Variants in PLCL2 observed in about 807,000 individuals in gnomAD.
The protein encoded by PLCL2 is phospholipase C like 2, also known as inactive phospholipase C-like protein 2.
In PLCL2, 4 loss-of-function variants were observed where a neutral mutation model predicts 79.6. The observed-to-expected ratio is 0.05, with a 90% CI of 0.02 to 0.11. The LOEUF is 0.11. Among genes scored for constraint, PLCL2 ranks in the 10% least tolerant of loss-of-function variants. The probability of loss-of-function intolerance (pLI) is 1.00; values close to 1 mark genes in which losing one functional copy is unlikely to be tolerated. For missense variants in PLCL2, 895 were observed against 1,291.0 expected (o/e 0.69, Z 4.70); for synonymous variants, 484 against 457.7 (o/e 1.06, Z -0.73).
In PLCL2 at chr3:16,954,270, T is replaced by C. The variant is rs938464400; in HGVS notation, c.328-55404T>C. ...CAATTCCCACCAATGAGTGAGCACATGCGGTGTTTGGTTTTTTGTCCTTGC... is the reference window on the plus strand; with the variant it reads ...CAATTCCCACCAATGAGTGAGCACACGCGGTGTTTGGTTTTTTGTCCTTGC... On this transcript the variant is annotated intron_variant, in intron 1 of 5. Transcript: ENST00000615277. 3.3e-5 allele frequency among the ~76,000 whole-genome samples: 5 copies of C among 152,300 alleles called. No individual in the cohort carries two copies. In the East Asian group the frequency reaches 7.7e-4, roughly 24 times the overall value.
chr3:16,990,892 G>A (rs2064098302), intron 1 of PLCL2, among the ~76,000 whole-genome samples: 1 of 152,192 alleles, frequency 6.6e-6, no homozygotes, highest in South Asian at 2.1e-4. Context: ...GGCCAAATGA[G>A]ATTGAGATTG....
intron 1 of PLCL2, among the ~76,000 whole-genome samples, chr3:16,910,875 A>G (rs1401583724): frequency 2.0e-5 from 3 of 152,082 alleles, no homozygotes; most frequent in African/African-American, 4.8e-5. Flanking sequence ...CTCATGTACT[A>G]CATCAAGTCT....
At chr3:16,977,471 C>G (rs35462157) in intron 1 of PLCL2, among the ~76,000 whole-genome samples, 440 of 152,290 alleles carry the variant, frequency 2.9e-3, no homozygotes, top group Admixed American at 7.7e-3. Flanking sequence ...GTTCCTTCCT[C>G]TTTTAATCCA....
intron 1 of PLCL2, among the ~76,000 whole-genome samples, chr3:16,904,300 T>A (rs1696699137): frequency 3.2e-5 from 4 of 126,668 alleles, no homozygotes; most frequent in Admixed American, 3.1e-4. Flanking sequence ...TTTCAAGAGA[T>A]CTTGACAAAA....
chr3:16,954,803 T>C (rs1468947252), intron 1 of PLCL2, among the ~76,000 whole-genome samples: 1 of 152,220 alleles, frequency 6.6e-6, no homozygotes, highest in Non-Finnish European at 1.5e-5. Context: ...TTTGGTGTGT[T>C]TTTTGGCTGC....
In PLCL2 at chr3:17,066,062, T is replaced by C. The variant is rs560691627; in HGVS notation, c.3095-1894T>C. 3.9e-5 allele frequency among the ~76,000 whole-genome samples: 6 copies of C among 152,232 alleles called. No individual in the cohort carries two copies. In the South Asian group the frequency reaches 1.2e-3, roughly 32 times the overall value. ...GTCTTATCATTAGGAACCCAACGGG[T>C]GGATCTGAGTCATGCAGCACACTCC... is the stretch of plus-strand genomic sequence containing the variant. On this transcript the variant is annotated intron_variant, in intron 4 of 5. Transcript: ENST00000615277.
intron 1 of PLCL2, among the ~76,000 whole-genome samples, chr3:16,944,885 G>T (rs957763271): frequency 6.6e-6 from 1 of 151,470 alleles, no homozygotes; most frequent in African/African-American, 2.4e-5. Flanking sequence ...TCAGCCTCCC[G>T]AGTAGCTGGG....
chr3:16,905,523 T>C (rs1696730774), intron 1 of PLCL2, among the ~76,000 whole-genome samples: 1 of 152,218 alleles, frequency 6.6e-6, no homozygotes, highest in African/African-American at 2.4e-5. Flanking sequence ...AGCCAGTTGA[T>C]TTTTGCATTT....
chr3:16,969,693 C>A (rs992830830), intron 1 of PLCL2, among the ~76,000 whole-genome samples: 1 of 152,046 alleles, frequency 6.6e-6, no homozygotes, highest in African/African-American at 2.4e-5. Flanking sequence ...AAATAACCAA[C>A]TCCTGGATTC....
intron 4 of PLCL2, among the ~76,000 whole-genome samples, chr3:17,062,439 A>T (rs2064962027): frequency 6.6e-6 from 1 of 152,188 alleles, no homozygotes; most frequent in Non-Finnish European, 1.5e-5. Context: ...GCTAGAATTA[A>T]CTGTTACCTC....
At chr3:16,955,904 C>A (rs1159735471) in intron 1 of PLCL2, among the ~76,000 whole-genome samples, 3 of 152,196 alleles carry the variant, frequency 2.0e-5, no homozygotes, top group Non-Finnish European at 4.4e-5. Context: ...GCTGAAGTTG[C>A]TTATCAGCTT....
At chr3:16,917,130 C>G (rs1393331869) in intron 1 of PLCL2, among the ~76,000 whole-genome samples, 1 of 152,180 alleles carries the variant, frequency 6.6e-6, no homozygotes, top group Admixed American at 6.5e-5. Flanking sequence ...ACATAGGACA[C>G]GGTCCCATTT....
intron 5 of PLCL2, among the ~76,000 whole-genome samples, chr3:17,083,190 G>C (rs1487453897): frequency 1.3e-5 from 2 of 152,144 alleles, no homozygotes; most frequent in Non-Finnish European, 2.9e-5. Context: ...TTATGGACAG[G>C]AAGTGGGAGT....
chr3:16,922,273 C>A (rs902822422), intron 1 of PLCL2, among the ~76,000 whole-genome samples: 4 of 152,124 alleles, frequency 2.6e-5, no homozygotes. Flanking sequence ...TCCCTCAAAG[C>A]TTTAAAACAA....
At chr3:17,004,855 C>T (rs1241391004) in intron 1 of PLCL2, among the ~76,000 whole-genome samples, 2 of 152,038 alleles carry the variant, frequency 1.3e-5, no homozygotes, top group Non-Finnish European at 2.9e-5. Context: ...AATTCTAAAT[C>T]CCCCTTGATA....
intron 4 of PLCL2, among the ~76,000 whole-genome samples, chr3:17,062,743 G>C (rs2064965033): frequency 6.6e-6 from 1 of 152,188 alleles, no homozygotes; most frequent in Non-Finnish European, 1.5e-5. Context: ...TGTTGGTATA[G>C]TGTTTGGAAG....
At chr3:17,074,836 A>G (rs1207894407) in intron 5 of PLCL2, among the ~76,000 whole-genome samples, 1 of 152,206 alleles carries the variant, frequency 6.6e-6, no homozygotes, top group African/African-American at 2.4e-5. Flanking sequence ...CTTAGACTTC[A>G]TAGAATTGAA....
intron 5 of PLCL2, among the ~76,000 whole-genome samples, chr3:17,084,093 G>T (rs1053333296): frequency 6.6e-6 from 1 of 152,040 alleles, no homozygotes; most frequent in African/African-American, 2.4e-5. Context: ...TGTCAGAAAT[G>T]AAATAAAGGA....
intron 1 of PLCL2, among the ~76,000 whole-genome samples, chr3:16,896,951 G>C (rs1575515865): frequency 6.6e-6 from 1 of 152,280 alleles, no homozygotes; most frequent in South Asian, 2.1e-4. Context: ...AGATTTTAAA[G>C]TATAGCCAGG....
Sources: gnomAD v4.1 joint callset for allele counts (sites outside exome capture counted in the v4.1 genomes callset) on GRCh38, gnomAD v4.1.1 for gene constraint, MANE v1.5 for transcripts, NCBI Gene and HGNC (gene_info 2026-07-23, HGNC 2026-07-21) for gene names.